Variants in CNTNAP5 observed in about 807,000 individuals in gnomAD.
CNTNAP5 encodes the protein contactin-associated protein-like 5.
A neutral mutation model predicts 150.2 loss-of-function variants in CNTNAP5; 72 were observed. The ratio of observed to expected loss-of-function variants is 0.48; its 90% confidence interval spans 0.40 to 0.58. CNTNAP5 has a LOEUF of 0.58. Among genes scored for constraint, CNTNAP5 ranks in the 20% least tolerant of loss-of-function variants. The pLI is 0.00. For synonymous variants in CNTNAP5, 672 were observed against 619.8 expected, an observed-to-expected ratio of 1.08 and a Z score of -1.25; for missense variants, 1,636 against 1,626.2, an observed-to-expected ratio of 1.01 and a Z score of -0.10.
intron 1 of CNTNAP5, among the ~76,000 whole-genome samples, chr2:124,200,884 G>C (rs1685712472): frequency 6.6e-6 from 1 of 152,010 alleles, no homozygotes; most frequent in South Asian, 2.1e-4. Flanking sequence ...CCCTCTTATA[G>C]AGCCCCCTTG....
chr2:124,905,273 G>GACAAGA (rs1678512334), intron 22 of CNTNAP5, among the ~76,000 whole-genome samples: 1 of 151,594 alleles, frequency 6.6e-6, no homozygotes, highest in Non-Finnish European at 1.5e-5. Flanking sequence ...GTATCAAAAA[G>GACAAGA]ACAAGAACAA....
In CNTNAP5 at chr2:124,790,199, G is replaced by A. The variant is rs1360300948; in HGVS notation, c.2992+58G>A. ...AGTGCTGTATCACCTATACGCTATG[G>A]TCAGGCCATGTGATACTCACACTCT... On this transcript the variant is annotated intron_variant, in intron 18 of 23. Transcript: ENST00000682447. 2.0e-6 allele frequency: 3 copies of A among 1,500,916 alleles called. No individual in the cohort carries two copies. In the East Asian group the frequency reaches 7.3e-5, roughly 36 times the overall value. 93.0% of individuals were successfully genotyped at this position (1,500,916 alleles called of 1,614,324 possible).
At chr2:124,387,930 G>A (rs1210993536) in intron 3 of CNTNAP5, among the ~76,000 whole-genome samples, 1 of 152,154 alleles carries the variant, frequency 6.6e-6, no homozygotes, top group Non-Finnish European at 1.5e-5. Context: ...GCTGGGGAAT[G>A]CAATCCTAGA....
At chr2:124,379,488 C>T (rs1279173554) in intron 3 of CNTNAP5, among the ~76,000 whole-genome samples, 4 of 152,046 alleles carry the variant, frequency 2.6e-5, no homozygotes, top group Non-Finnish European at 4.4e-5. Context: ...GGCCTGATAG[C>T]TTATTCCTTT....
At chr2:124,829,323 G>A (rs7605407) in intron 19 of CNTNAP5, among the ~76,000 whole-genome samples, 20,615 of 152,156 alleles carry the variant, frequency 0.14, 4,352 homozygotes, top group African/African-American at 0.46. Context: ...TACAGAACCA[G>A]TATGGATTGT....
intron 1 of CNTNAP5, among the ~76,000 whole-genome samples, chr2:124,040,754 T>C (rs1008538804): frequency 1.3e-5 from 2 of 151,968 alleles, no homozygotes; most frequent in African/African-American, 4.8e-5. Context: ...GAGACTACAA[T>C]AGAAATATTT....
chr2:124,053,024 G>A (rs1681750774), intron 1 of CNTNAP5, among the ~76,000 whole-genome samples: 1 of 124,242 alleles, frequency 8.0e-6, no homozygotes, highest in Non-Finnish European at 1.5e-5. Flanking sequence ...CCTGCTCTGT[G>A]GGCCCATACC....
At chr2:124,771,590 G>A (rs1681193226) in intron 16 of CNTNAP5, among the ~76,000 whole-genome samples, 1 of 152,040 alleles carries the variant, frequency 6.6e-6, no homozygotes, top group African/African-American at 2.4e-5. Flanking sequence ...TCAGTGCTTA[G>A]CATGGTGCCT....
At chr2:124,301,836 C>A (rs140174422) in intron 3 of CNTNAP5, among the ~76,000 whole-genome samples, 1 of 152,140 alleles carries the variant, frequency 6.6e-6, no homozygotes, top group African/African-American at 2.4e-5. Flanking sequence ...TGACTCCTTA[C>A]GGGAAAATGT....
At chr2:124,316,731 G>C (rs557498617) in intron 3 of CNTNAP5, among the ~76,000 whole-genome samples, 1 of 144,588 alleles carries the variant, frequency 6.9e-6, no homozygotes, top group East Asian at 2.0e-4. Flanking sequence ...CAGGAACCCA[G>C]GAGGCAGAGC....
At chr2:124,694,222 A>T (rs1679358018) in intron 13 of CNTNAP5, among the ~76,000 whole-genome samples, 1 of 152,064 alleles carries the variant, frequency 6.6e-6, no homozygotes. Flanking sequence ...TTAATTATTT[A>T]AAAAAATAGT....
chr2:124,360,374 T>C (rs1405414997), intron 3 of CNTNAP5, among the ~76,000 whole-genome samples: 2 of 148,812 alleles, frequency 1.3e-5, no homozygotes, highest in Middle Eastern at 3.2e-3. Flanking sequence ...GTTATTATGC[T>C]CGTTAGTTGA....
chr2:124,779,006 G>A (rs187987822), intron 17 of CNTNAP5, among the ~76,000 whole-genome samples: 2 of 152,284 alleles, frequency 1.3e-5, no homozygotes, highest in East Asian at 3.9e-4. Context: ...ATAAGGATCT[G>A]CTCTCAGGCT....
intron 21 of CNTNAP5, among the ~76,000 whole-genome samples, chr2:124,885,864 C>T (rs2249026): frequency 0.52 from 78,325 of 151,766 alleles, 20,993 homozygotes; most frequent in African/African-American, 0.64. Context: ...AATCTATTGT[C>T]CTTTGATGAA....
In CNTNAP5 at chr2:124,156,317, C is replaced by T. The variant is rs114739110; in HGVS notation, c.83-65388C>T. ...CCTCCAGCTCCACTGCTGATTATCACGCTGATCTGTGGGGAGTAAAATTCC... is the reference window on the plus strand; with the variant it reads ...CCTCCAGCTCCACTGCTGATTATCATGCTGATCTGTGGGGAGTAAAATTCC... On this transcript the variant is annotated intron_variant, in intron 1 of 23. Coordinates refer to ENST00000682447, the MANE Select transcript of CNTNAP5 (RefSeq NM_001367498.1). 5.9e-3 allele frequency among the ~76,000 whole-genome samples: 895 copies of T among 152,216 alleles called. 6 individuals are homozygous for T. Among genetic ancestry groups the T allele is most frequent in the African/African-American group, 0.021 (854 of 41,528 alleles).
chr2:124,192,227 A>G (rs1483128531), intron 1 of CNTNAP5, among the ~76,000 whole-genome samples: 2 of 152,154 alleles, frequency 1.3e-5, no homozygotes, highest in Admixed American at 1.3e-4. Flanking sequence ...AAGGGCAGAC[A>G]AGGGCTTGGG....
chr2:124,255,280 T>A (rs1687279005), intron 3 of CNTNAP5, among the ~76,000 whole-genome samples: 1 of 152,068 alleles, frequency 6.6e-6, no homozygotes, highest in South Asian at 2.1e-4. Flanking sequence ...ATCCCAGCAC[T>A]TTGGGAGGCC....
chr2:124,696,549 G>A (rs575633376), intron 13 of CNTNAP5, among the ~76,000 whole-genome samples: 1 of 152,226 alleles, frequency 6.6e-6, no homozygotes, highest in Admixed American at 6.6e-5. Context: ...CTCGGTGCCT[G>A]TCTAAGTCAC....
At chr2:124,743,784 AT>A (rs35635088) in intron 13 of CNTNAP5, among the ~76,000 whole-genome samples, 2 of 151,982 alleles carry the variant, frequency 1.3e-5, no homozygotes, top group African/African-American at 4.8e-5. Context: ...TATGCTACCC[AT>A]TTTTTTTCCT....
Sources: allele counts gnomAD v4.1 joint callset (sites outside exome capture counted in the v4.1 genomes callset), GRCh38; gene constraint gnomAD v4.1.1; transcripts MANE v1.5; gene names NCBI Gene and HGNC (gene_info 2026-07-23, HGNC 2026-07-21).